Variants in TBC1D19 observed in about 807,000 individuals in gnomAD.
TBC1D19 encodes the protein TBC1 domain family member 19, also known as TBC1 domain family, member 19.
TBC1D19 carries 60 observed loss-of-function variants against 89.0 expected under a neutral mutation model. The observed-to-expected ratio is 0.67, with a 90% CI of 0.55 to 0.84. The LOEUF (loss-of-function observed/expected upper bound fraction) is 0.84. Among genes scored for constraint, TBC1D19 ranks in the 40% least tolerant of loss-of-function variants. The pLI is 0.00. For synonymous variants in TBC1D19, 189 were observed against 199.7 expected, an observed-to-expected ratio of 0.95 and a Z score of 0.45; for missense variants, 500 against 610.8, an observed-to-expected ratio of 0.82 and a Z score of 1.91.
intron 1 of TBC1D19, among the ~76,000 whole-genome samples, chr4:26,594,836 A>C (rs1413071313): frequency 6.6e-6 from 1 of 152,162 alleles, no homozygotes; most frequent in African/African-American, 2.4e-5. Context: ...CTACAACTGC[A>C]CTCCAGCCTG....
chr4:26,827,502 G>A, the TBC1D19 span, among the ~76,000 whole-genome samples: 8 of 152,264 alleles, frequency 5.3e-5, no homozygotes, highest in South Asian at 2.1e-4. Context: ...TACGCAGGAG[G>A]CTGAGGCATG....
chr4:26,855,603 T>G, the TBC1D19 span, among the ~76,000 whole-genome samples: 2 of 152,178 alleles, frequency 1.3e-5, no homozygotes, highest in Non-Finnish European at 2.9e-5. Context: ...GGAGTTGAAA[T>G]TTCCAGTCCC....
the TBC1D19 span, among the ~76,000 whole-genome samples, chr4:26,849,911 G>GT: frequency 2.0e-5 from 3 of 152,026 alleles, no homozygotes; most frequent in African/African-American, 7.3e-5. Flanking sequence ...TACGTAGAAA[G>GT]TTTTTTTAGG....
chr4:26,824,452 G>A, the TBC1D19 span, among the ~76,000 whole-genome samples: 1 of 152,142 alleles, frequency 6.6e-6, no homozygotes, highest in Non-Finnish European at 1.5e-5. Flanking sequence ...ACTAATGAAT[G>A]CTCAATGCAG....
chr4:26,627,412 G>T lies in TBC1D19; in HGVS notation c.294+6724G>T, dbSNP rs574402169. 1.6e-4 allele frequency among the ~76,000 whole-genome samples: 25 copies of T among 152,166 alleles called. No individual in the cohort carries two copies. In the South Asian group the frequency reaches 4.8e-3, roughly 29 times the overall value. ...TCCTTTGGGTATATACCCAGTAATG[G>T]GATGGCTGGGTCAAATGGTATTTCT... On this transcript the variant is annotated intron_variant, in intron 4 of 20. Transcript: ENST00000264866.
intron 3 of TBC1D19, among the ~76,000 whole-genome samples, chr4:26,619,279 A>G (rs1180955242): frequency 2.0e-5 from 3 of 149,654 alleles, no homozygotes; most frequent in Non-Finnish European, 4.4e-5. Flanking sequence ...ATCTCGGCTC[A>G]CTGCAAGCTC....
chr4:26,638,722 T>G (rs1246285043), intron 5 of TBC1D19, 49 bp from the exon 6 acceptor site: 1 of 1,441,036 alleles, frequency 6.9e-7, no homozygotes, highest in South Asian at 1.2e-5. Flanking sequence ...GTTGTATTGC[T>G]AGACTTCAAA....
chr4:26,613,143 T>G (rs1339156586), intron 1 of TBC1D19, 26 bp from the exon 2 acceptor site: 2 of 1,422,912 alleles, frequency 1.4e-6, no homozygotes, highest in South Asian at 2.7e-5. Flanking sequence ...CTTATCTTTC[T>G]TTTTTATTAT....
the TBC1D19 span, among the ~76,000 whole-genome samples, chr4:26,832,419 A>G: frequency 6.6e-6 from 1 of 152,224 alleles, no homozygotes; most frequent in African/African-American, 2.4e-5. Context: ...ACTGGGGAGA[A>G]AAAAAGAAAA....
chr4:26,590,178 T>C (rs559245954), intron 1 of TBC1D19, among the ~76,000 whole-genome samples: 1 of 152,244 alleles, frequency 6.6e-6, no homozygotes, highest in Non-Finnish European at 1.5e-5. Context: ...TCATTTGTCC[T>C]TGAAGGAGCT....
chr4:26,782,903 T>G, the TBC1D19 span, among the ~76,000 whole-genome samples: 1 of 152,226 alleles, frequency 6.6e-6, no homozygotes, highest in Admixed American at 6.5e-5. Context: ...TTTGAATTTT[T>G]TATGATCAAA....
the TBC1D19 span, among the ~76,000 whole-genome samples, chr4:26,844,310 G>T: frequency 6.6e-6 from 1 of 152,092 alleles, no homozygotes; most frequent in Admixed American, 6.5e-5. Context: ...ATGTACTCCA[G>T]GTTTTAGGAA....
At chr4:26,770,019 G>T in the TBC1D19 span, among the ~76,000 whole-genome samples, 1 of 150,784 alleles carries the variant, frequency 6.6e-6, no homozygotes, top group African/African-American at 2.4e-5. Context: ...TCAAAAGATG[G>T]TGTAAAAGGA....
chr4:26,605,899 G>T lies in TBC1D19; in HGVS notation c.100-7270G>T, dbSNP rs527470407. 3.3e-5 allele frequency among the ~76,000 whole-genome samples: 5 copies of T among 152,170 alleles called. No homozygotes were observed. In the South Asian group the frequency reaches 8.3e-4, roughly 25 times the overall value. The stretch of plus-strand genomic sequence containing the variant: ...TATCCTTTGCACACTTTTTGATGGG[G>T]TTATTTGTTTTTTGAAGAACTACCA... On this transcript the variant is annotated intron_variant, in intron 1 of 20. Coordinates refer to ENST00000264866, the MANE Select transcript of TBC1D19 (RefSeq NM_018317.4).
the TBC1D19 span, among the ~76,000 whole-genome samples, chr4:26,832,713 A>G: frequency 6.4e-4 from 97 of 152,258 alleles, no homozygotes; most frequent in African/African-American, 2.3e-3. Flanking sequence ...ACTCTTCTGG[A>G]TGAAAACATA....
chr4:26,778,594 T>C, the TBC1D19 span, among the ~76,000 whole-genome samples: 2 of 152,268 alleles, frequency 1.3e-5, no homozygotes, highest in African/African-American at 4.8e-5. Context: ...TTTTTCCATA[T>C]TACCCTGCCG....
chr4:26,639,666 C>T (rs777699291), intron 6 of TBC1D19, among the ~76,000 whole-genome samples: 12 of 152,042 alleles, frequency 7.9e-5, no homozygotes, highest in Admixed American at 5.9e-4. Flanking sequence ...ATGTACATAA[C>T]CCTTCCTCCT....
chr4:26,839,222 T>C, the TBC1D19 span, among the ~76,000 whole-genome samples: 63 of 152,058 alleles, frequency 4.1e-4, no homozygotes, highest in Non-Finnish European at 8.4e-4. Context: ...AAACTTGCCA[T>C]AAAAACGATG....
chr4:26,650,387 T>A (rs983690343), intron 7 of TBC1D19, among the ~76,000 whole-genome samples: 8 of 152,232 alleles, frequency 5.3e-5, no homozygotes, highest in Non-Finnish European at 8.8e-5. Context: ...GTTTCCTGAC[T>A]TTTTAATGAT....
Sources: gnomAD v4.1 joint callset for allele counts (sites outside exome capture counted in the v4.1 genomes callset) on GRCh38, gnomAD v4.1.1 for gene constraint, MANE v1.5 for transcripts, NCBI Gene and HGNC (gene_info 2026-07-23, HGNC 2026-07-21) for gene names.